DKK2: variants seen among roughly 807,000 people sequenced by gnomAD.
The protein encoded by DKK2 is dickkopf-related protein 2.
DKK2 carries 11 observed loss-of-function variants against 28.1 expected under a neutral mutation model. The ratio of observed to expected loss-of-function variants is 0.39; its 90% CI spans 0.25 to 0.65. DKK2 has a LOEUF of 0.65. Among genes scored for constraint, DKK2 ranks in the 30% least tolerant of loss-of-function variants. The probability of loss-of-function intolerance (pLI) is 0.47; values close to 1 mark genes in which losing one functional copy is unlikely to be tolerated. For synonymous variants in DKK2, 135 were observed against 126.5 expected (o/e 1.07, Z -0.45); for missense variants, 326 against 335.5 (o/e 0.97, Z 0.22).
In DKK2 at chr4:107,030,129, C is replaced by A. The variant is rs182733971; in HGVS notation, c.222+5241G>T. 5.6e-3 allele frequency among the ~76,000 whole-genome samples: 852 copies of A among 152,098 alleles called. 6 individuals are homozygous for A. The highest frequency in any genetic ancestry group is 6.9e-3 in the Non-Finnish European group (472 of 67,916). On this transcript the variant is annotated intron_variant, in intron 1 of 3. Coordinates refer to ENST00000285311, the MANE Select transcript of DKK2 (RefSeq NM_014421.3). The stretch of plus-strand genomic sequence containing the variant: ...TTAAAAAAAATTTAACAGGATATTG[C>A]AATCTTTCTGCTTTAAAGTTTTCTT...
intron 1 of DKK2, among the ~76,000 whole-genome samples, chr4:106,943,126 G>A (rs1212956677): frequency 6.6e-6 from 1 of 152,038 alleles, no homozygotes; most frequent in Non-Finnish European, 1.5e-5. Context: ...TATATCAACT[G>A]ACTTCACTTT....
Position 107,025,282 on chromosome 4 carries a change from A to G in DKK2, c.222+10088T>C, listed in dbSNP as rs533208740. ...TCTGCCAGGGAAGGGCCGTAGTCTA[A>G]TGGGTCGGTGGTATTCAAATCAATT... is the stretch of plus-strand genomic sequence containing the variant. On this transcript the variant is annotated intron_variant, in intron 1 of 3. Transcript: ENST00000285311. 8.5e-5 allele frequency among the ~76,000 whole-genome samples: 13 copies of G among 152,300 alleles called. No homozygotes were observed. The South Asian group carries it at 1.7e-3, about 19-fold the overall frequency.
chr4:106,996,900 A>G (rs914362525), intron 1 of DKK2, among the ~76,000 whole-genome samples: 3 of 152,188 alleles, frequency 2.0e-5, no homozygotes, highest in African/African-American at 7.2e-5. Context: ...AATTTCATCA[A>G]CAAGCCTCAG....
rs1416532601 is a variant in DKK2, at chr4:106,922,046, A to C, written c.*1908T>G. 1 of 152,596 alleles carries C rather than the reference A, an allele frequency of 6.6e-6. No individual in the cohort carries two copies. Among genetic ancestry groups the C allele is most frequent in the Non-Finnish European group, 1.5e-5 (1 of 68,024 alleles). The allele number at this position is 152,596 out of a possible 1,614,324, so 9.5% of individuals were successfully genotyped here. A position where few individuals can be genotyped will look rare whatever the true frequency, so the allele number is the denominator to read the frequency against. On this transcript the variant is annotated 3_prime_UTR_variant, in exon 4 of 4. Transcript: ENST00000285311. ...GTAAATATAATAATTGTTATATAGG[A>C]AATGTTTGATTGAAATGTTCCATTT...
intron 1 of DKK2, among the ~76,000 whole-genome samples, chr4:106,998,519 A>G (rs575895776): frequency 8.5e-5 from 13 of 152,316 alleles, no homozygotes; most frequent in African/African-American, 3.1e-4. Flanking sequence ...ATTTAATTCA[A>G]TAGCTCTAGT....
intron 1 of DKK2, among the ~76,000 whole-genome samples, chr4:106,955,522 C>G (rs1722578245): frequency 6.6e-6 from 1 of 152,036 alleles, no homozygotes; most frequent in Non-Finnish European, 1.5e-5. Flanking sequence ...AACATTTCAC[C>G]CATGAATTCA....
At chr4:106,989,252 A>C (rs1560587102) in intron 1 of DKK2, among the ~76,000 whole-genome samples, 1 of 152,208 alleles carries the variant, frequency 6.6e-6, no homozygotes, top group South Asian at 2.1e-4. Context: ...ATTGTGTTTA[A>C]AATGCCTTGG....
chr4:106,935,249 TG>T (rs2110341480), intron 1 of DKK2, among the ~76,000 whole-genome samples: 1 of 152,230 alleles, frequency 6.6e-6, no homozygotes, highest in African/African-American at 2.4e-5. Context: ...CACAGGTCAG[TG>T]GGTGCGCGCA....
chr4:107,009,190 C>T (rs552592703), intron 1 of DKK2, among the ~76,000 whole-genome samples: 2 of 151,892 alleles, frequency 1.3e-5, no homozygotes, highest in South Asian at 4.2e-4. Context: ...TGTCTACTGT[C>T]TTCAACCACA....
At chr4:106,939,918 G>A (rs1260950187) in intron 1 of DKK2, among the ~76,000 whole-genome samples, 2 of 152,182 alleles carry the variant, frequency 1.3e-5, no homozygotes, top group African/African-American at 4.8e-5. Context: ...GTAGAAAGCT[G>A]AAACTGGATC....
At chr4:107,009,192 T>A (rs1723481068) in intron 1 of DKK2, among the ~76,000 whole-genome samples, 1 of 151,842 alleles carries the variant, frequency 6.6e-6, no homozygotes. Context: ...TCTACTGTCT[T>A]CAACCACAGA....
intron 1 of DKK2, among the ~76,000 whole-genome samples, chr4:106,928,369 A>T (rs914601739): frequency 1.3e-5 from 2 of 152,222 alleles, no homozygotes; most frequent in Non-Finnish European, 2.9e-5. Flanking sequence ...ATGCCAAAAA[A>T]TGCCTAACTA....
At chr4:106,946,022 T>C (rs1267133354) in intron 1 of DKK2, among the ~76,000 whole-genome samples, 3 of 152,094 alleles carry the variant, frequency 2.0e-5, no homozygotes, top group East Asian at 3.9e-4. Flanking sequence ...ACCCTGAAAA[T>C]AACAGGCTCC....
At chr4:106,995,966 T>G (rs1723266916) in intron 1 of DKK2, among the ~76,000 whole-genome samples, 1 of 152,180 alleles carries the variant, frequency 6.6e-6, no homozygotes, top group Non-Finnish European at 1.5e-5. Flanking sequence ...AAAAGAAATT[T>G]TACTTCCATG....
At chr4:106,959,812 T>TATAA (rs1414526350) in intron 1 of DKK2, among the ~76,000 whole-genome samples, 1 of 152,088 alleles carries the variant, frequency 6.6e-6, no homozygotes, top group Non-Finnish European at 1.5e-5. Flanking sequence ...CCTTGGGGTG[T>TATAA]ATAAATACTC....
chr4:106,958,851 A>AG lies in DKK2; in HGVS notation c.223-32903_223-32902insC, dbSNP rs1442476440. On this transcript the variant is annotated intron_variant, in intron 1 of 3. Transcript: ENST00000285311. ...AAACTCAATCTCAAAAAAAAAAAAAAAAAAGAAAGAAAGAAAGAAAACATA... is the reference window on the plus strand; with the variant it reads ...AAACTCAATCTCAAAAAAAAAAAAAAGAAAAGAAAGAAAGAAAGAAAACATA... Among the ~76,000 whole-genome samples the AG allele has an allele frequency of 1.2e-4, 18 of 151,066 alleles. No individual in the cohort carries two copies. In the South Asian group the frequency reaches 1.7e-3, roughly 14 times the overall value.
chr4:107,003,069 T>G (rs1723385830), intron 1 of DKK2, among the ~76,000 whole-genome samples: 1 of 152,228 alleles, frequency 6.6e-6, no homozygotes, highest in South Asian at 2.1e-4. Context: ...TGGAACCTTG[T>G]TCCTCAAAAG....
intron 1 of DKK2, among the ~76,000 whole-genome samples, chr4:106,934,833 A>C (rs1724554791): frequency 6.6e-6 from 1 of 152,204 alleles, no homozygotes; most frequent in Non-Finnish European, 1.5e-5. Flanking sequence ...TGGTGAAATG[A>C]CTTCTAATTT....
intron 1 of DKK2, among the ~76,000 whole-genome samples, chr4:106,995,195 C>T (rs921745884): frequency 6.6e-6 from 1 of 151,958 alleles, no homozygotes; most frequent in Non-Finnish European, 1.5e-5. Flanking sequence ...GAATTAATGC[C>T]TGCAGAATTT....
Sources: gnomAD v4.1 joint callset for allele counts (sites outside exome capture counted in the v4.1 genomes callset) on GRCh38, gnomAD v4.1.1 for gene constraint, MANE v1.5 for transcripts, NCBI Gene and HGNC (gene_info 2026-07-23, HGNC 2026-07-21) for gene names.